RANBP10: variants seen among roughly 807,000 people sequenced by gnomAD.
The protein encoded by RANBP10 is ran-binding protein 10.
A neutral mutation model predicts 72.8 loss-of-function variants in RANBP10; 24 were observed. The observed-to-expected ratio is 0.33, with a 90% CI of 0.24 to 0.46. The LOEUF (loss-of-function observed/expected upper bound fraction) is 0.46, where lower values mean the gene tolerates loss of function less well. RANBP10 is among the 20% of genes least tolerant of loss of function. The pLI, the probability that RANBP10 is intolerant of heterozygous loss-of-function variation, is 1.00. For missense variants in RANBP10, 679 were observed against 817.5 expected, an observed-to-expected ratio of 0.83 and a Z score of 2.07; for synonymous variants, 310 against 322.3, an observed-to-expected ratio of 0.96 and a Z score of 0.41.
At chr16:67,800,885 G>A (rs2055224062) in intron 2 of RANBP10, among the ~76,000 whole-genome samples, 1 of 152,122 alleles carries the variant, frequency 6.6e-6, no homozygotes, top group South Asian at 2.1e-4. Context: ...ACTGTTCCCA[G>A]GCTCTGCCTC....
intron 11 of RANBP10, among the ~76,000 whole-genome samples, 162 bp downstream of exon 11, chr16:67,728,228 C>T (rs1425622053): frequency 6.6e-6 from 1 of 152,222 alleles, no homozygotes; most frequent in Non-Finnish European, 1.5e-5. Context: ...TTTGGAGCCA[C>T]CTCAAGGACC....
chr16:67,766,366 G>A (rs2054501984), intron 3 of RANBP10, among the ~76,000 whole-genome samples: 1 of 152,170 alleles, frequency 6.6e-6, no homozygotes, highest in Admixed American at 6.6e-5. Flanking sequence ...ACGGCAAGCT[G>A]ATACAGTTTG....
intron 2 of RANBP10, among the ~76,000 whole-genome samples, chr16:67,791,420 C>T (rs1207625292): frequency 3.3e-5 from 5 of 152,158 alleles, no homozygotes; most frequent in African/African-American, 4.8e-5. Flanking sequence ...TGGGGCTCGA[C>T]GTTTTAAATT....
chr16:67,744,260 G>A (rs762778464), intron 4 of RANBP10, 28 bp downstream of exon 4: 11 of 1,601,868 alleles, frequency 6.9e-6, no homozygotes, highest in Non-Finnish European at 9.4e-6. Context: ...CCACAGAGCA[G>A]AGCCTCCAAG....
At chr16:67,766,368 T>TA (rs2054502052) in intron 3 of RANBP10, among the ~76,000 whole-genome samples, 1 of 152,204 alleles carries the variant, frequency 6.6e-6, no homozygotes. Flanking sequence ...GGCAAGCTGA[T>TA]ACAGTTTGGA....
intron 3 of RANBP10, among the ~76,000 whole-genome samples, chr16:67,749,836 C>T (rs2054161027): frequency 6.6e-6 from 1 of 152,174 alleles, no homozygotes; most frequent in Admixed American, 6.6e-5. Context: ...GCCAGCTGGA[C>T]AGCAGTGAGG....
chr16:67,788,920 A>C (rs989942009), intron 2 of RANBP10, among the ~76,000 whole-genome samples: 15 of 151,220 alleles, frequency 9.9e-5, no homozygotes, highest in Admixed American at 3.3e-4. Flanking sequence ...GAATAGCTTG[A>C]ACCGAGGTGG....
intron 2 of RANBP10, among the ~76,000 whole-genome samples, chr16:67,788,068 A>C (rs1597910007): frequency 6.6e-6 from 1 of 151,802 alleles, no homozygotes; most frequent in African/African-American, 2.4e-5. Context: ...TGATCTCTTG[A>C]CCTCATGATC....
chr16:67,796,549 T>G (rs1009087531), intron 2 of RANBP10, among the ~76,000 whole-genome samples: 3 of 152,172 alleles, frequency 2.0e-5, no homozygotes, highest in Non-Finnish European at 4.4e-5. Flanking sequence ...AGCTGCCTGA[T>G]GTGCTGTGCA....
At chr16:67,742,622 G>T (rs1027277946) in intron 4 of RANBP10, among the ~76,000 whole-genome samples, 1 of 152,188 alleles carries the variant, frequency 6.6e-6, no homozygotes, top group African/African-American at 2.4e-5. Context: ...GCCCTTTGGT[G>T]GTCCCGGTGT....
chr16:67,751,443 G>A (rs1258178488), intron 3 of RANBP10, among the ~76,000 whole-genome samples: 1 of 152,168 alleles, frequency 6.6e-6, no homozygotes, highest in Non-Finnish European at 1.5e-5. Context: ...GGCCAACATG[G>A]TGAAATCCCA....
intron 3 of RANBP10, among the ~76,000 whole-genome samples, chr16:67,748,713 G>A (rs2054137484): frequency 6.6e-6 from 1 of 152,134 alleles, no homozygotes; most frequent in African/African-American, 2.4e-5. Flanking sequence ...GGATGTGCAG[G>A]CAAAGGCATG....
chr16:67,734,361 GAATTAATC>G (rs1177408184), intron 6 of RANBP10, among the ~76,000 whole-genome samples: 1 of 152,198 alleles, frequency 6.6e-6, no homozygotes, highest in Non-Finnish European at 1.5e-5. Flanking sequence ...GACAGTCTGG[GAATTAATC>G]AGCCAAGGAG....
chr16:67,781,147 G>A (rs909287325), intron 2 of RANBP10, among the ~76,000 whole-genome samples: 3 of 152,248 alleles, frequency 2.0e-5, no homozygotes, highest in Admixed American at 6.5e-5. Context: ...GGAGGCTGAA[G>A]GTGGATGATG....
intron 2 of RANBP10, among the ~76,000 whole-genome samples, chr16:67,801,614 A>G (rs2143023247): frequency 6.6e-6 from 1 of 152,260 alleles, no homozygotes; most frequent in South Asian, 2.1e-4. Context: ...ACAACCAGTT[A>G]ATGCTTGGGT....
intron 3 of RANBP10, among the ~76,000 whole-genome samples, chr16:67,753,367 C>T (rs913514925): frequency 2.0e-5 from 3 of 152,094 alleles, no homozygotes; most frequent in East Asian, 1.9e-4. Context: ...ATTAGCCAGG[C>T]GCTGTGGTGC....
At chr16:67,773,811 G>A (rs1033061753) in intron 2 of RANBP10, among the ~76,000 whole-genome samples, 8 of 152,202 alleles carry the variant, frequency 5.3e-5, no homozygotes, top group Non-Finnish European at 1.0e-4. Context: ...ATTTGAGACA[G>A]AGTTGGATCC....
intron 3 of RANBP10, among the ~76,000 whole-genome samples, chr16:67,761,665 G>A (rs1357204475): frequency 6.6e-6 from 1 of 152,164 alleles, no homozygotes; most frequent in Non-Finnish European, 1.5e-5. Context: ...CACGTCCTGG[G>A]TTCAAGCAAT....
chr16:67,778,970 G>C (rs1204318872), intron 2 of RANBP10, among the ~76,000 whole-genome samples: 2 of 152,136 alleles, frequency 1.3e-5, no homozygotes, highest in African/African-American at 4.8e-5. Context: ...GTGCTTTTCT[G>C]TAGTCTCAGC....
Sources: allele counts gnomAD v4.1 joint callset (sites outside exome capture counted in the v4.1 genomes callset), GRCh38; gene constraint gnomAD v4.1.1; transcripts MANE v1.5; gene names NCBI Gene and HGNC (gene_info 2026-07-23, HGNC 2026-07-21).